Variants in KIAA1328 observed in about 807,000 individuals in gnomAD.
KIAA1328 encodes protein hinderin.
In KIAA1328, 52 loss-of-function variants were observed where a neutral mutation model predicts 68.1. That is an observed-to-expected ratio of 0.76 (90% CI 0.61 to 0.96). The LOEUF is 0.96. Among genes scored for constraint, KIAA1328 ranks in the 40% least tolerant of loss-of-function variants. The pLI, the probability that KIAA1328 is intolerant of heterozygous loss-of-function variation, is 0.00. For synonymous variants in KIAA1328, 232 were observed against 239.4 expected (o/e 0.97, Z 0.28); for missense variants, 641 against 677.6 (o/e 0.95, Z 0.60).
chr18:36,864,341 G>A (rs1206897060), intron 4 of KIAA1328, among the ~76,000 whole-genome samples: 2 of 147,030 alleles, frequency 1.4e-5, no homozygotes, highest in African/African-American at 5.0e-5. Context: ...TTGCTGTGTC[G>A]CACAGGCTGG....
chr18:37,104,154 A>G (rs1257661056), intron 7 of KIAA1328, among the ~76,000 whole-genome samples: 1 of 152,232 alleles, frequency 6.6e-6, no homozygotes, highest in African/African-American at 2.4e-5. Context: ...TGATCCAGCC[A>G]TCTCACTATT....
At chr18:37,156,091 A>G (rs2059145280) in intron 7 of KIAA1328, among the ~76,000 whole-genome samples, 1 of 151,502 alleles carries the variant, frequency 6.6e-6, no homozygotes, top group Non-Finnish European at 1.5e-5. Context: ...TGTCTCCCCC[A>G]CTAAAATCTC....
At chr18:37,108,679 AC>A (rs2057842537) in intron 7 of KIAA1328, among the ~76,000 whole-genome samples, 4 of 152,174 alleles carry the variant, frequency 2.6e-5, no homozygotes, top group Admixed American at 2.6e-4. Context: ...GCATGGTCTT[AC>A]ATAGCCTTTA....
At chr18:37,039,053 G>T (rs1287992113) in intron 6 of KIAA1328, among the ~76,000 whole-genome samples, 1 of 151,938 alleles carries the variant, frequency 6.6e-6, no homozygotes, top group Admixed American at 6.6e-5. Flanking sequence ...TTACATTTCT[G>T]GAATAAACCT....
intron 9 of KIAA1328, among the ~76,000 whole-genome samples, chr18:37,181,517 A>G (rs2059698302): frequency 6.6e-6 from 1 of 152,142 alleles, no homozygotes; most frequent in East Asian, 1.9e-4. Flanking sequence ...GTTAAAAGCC[A>G]TTAATATAAG....
rs1250328157 is a variant in KIAA1328, at chr18:37,084,049, G to A, written c.1232+16504G>A. On this transcript the variant is annotated intron_variant, in intron 7 of 9. Coordinates refer to ENST00000280020, the MANE Select transcript of KIAA1328 (RefSeq NM_020776.3). ...AATTTCTGGGGATCTAGCTGAAAGAGCATGGTTTTCCAAAATTTATCATTC... is the reference window on the plus strand; with the variant it reads ...AATTTCTGGGGATCTAGCTGAAAGAACATGGTTTTCCAAAATTTATCATTC... The A allele has an allele frequency of 1.1e-5, 8 of 708,022 alleles. No homozygotes were observed. In the East Asian group the frequency reaches 1.7e-4, roughly 15 times the overall value. 43.9% of individuals were successfully genotyped at this position (708,022 alleles called of 1,614,324 possible).
intron 5 of KIAA1328, among the ~76,000 whole-genome samples, chr18:36,953,823 C>G (rs1233266126): frequency 6.6e-6 from 1 of 151,924 alleles, no homozygotes; most frequent in Admixed American, 6.6e-5. Flanking sequence ...ATTTTTCTCC[C>G]TGAACAAGGA....
intron 6 of KIAA1328, among the ~76,000 whole-genome samples, chr18:37,064,863 G>A (rs2056290008): frequency 6.6e-6 from 1 of 152,124 alleles, no homozygotes; most frequent in African/African-American, 2.4e-5. Context: ...TGTCTTCAGA[G>A]CCAAAGGAAC....
chr18:36,895,287 A>T (rs1464839058), intron 5 of KIAA1328, among the ~76,000 whole-genome samples: 1 of 152,130 alleles, frequency 6.6e-6, no homozygotes, highest in African/African-American at 2.4e-5. Flanking sequence ...TAAGTCATTG[A>T]ATGCAGGAGC....
At chr18:36,975,062 A>C (rs1048072691) in intron 6 of KIAA1328, among the ~76,000 whole-genome samples, 1 of 152,208 alleles carries the variant, frequency 6.6e-6, no homozygotes, top group African/African-American at 2.4e-5. Context: ...TCTTGAGTGC[A>C]GAAGAGAGAG....
At chr18:36,976,893 C>T (rs2052493693) in intron 6 of KIAA1328, among the ~76,000 whole-genome samples, 1 of 152,130 alleles carries the variant, frequency 6.6e-6, no homozygotes, top group African/African-American at 2.4e-5. Context: ...TGATCTCAAT[C>T]TCCCAGGTCA....
intron 6 of KIAA1328, among the ~76,000 whole-genome samples, chr18:36,961,010 C>A (rs2051645027): frequency 6.6e-6 from 1 of 152,002 alleles, no homozygotes; most frequent in Non-Finnish European, 1.5e-5. Flanking sequence ...GATAATAACA[C>A]ACTTCTCTGA....
At chr18:37,044,193 T>G (rs573444453) in intron 6 of KIAA1328, among the ~76,000 whole-genome samples, 36 of 152,178 alleles carry the variant, frequency 2.4e-4, no homozygotes, top group Non-Finnish European at 4.1e-4. Flanking sequence ...TGTAATTGTT[T>G]TATTATAATT....
intron 6 of KIAA1328, among the ~76,000 whole-genome samples, chr18:36,979,184 A>T (rs1406954639): frequency 3.8e-5 from 5 of 131,136 alleles, no homozygotes; most frequent in Non-Finnish European, 8.5e-5. Context: ...AATAAAATTT[A>T]AAAATAAAAT....
rs773231137 is a variant in KIAA1328 at position 37,224,212 on chromosome 18, G to T, written c.*1985G>T. The T allele has an allele frequency of 1.2e-5, 12 of 985,424 alleles. No individual in the cohort carries two copies. Among genetic ancestry groups the T allele is most frequent in the Non-Finnish European group, 1.4e-5 (12 of 829,938 alleles). The allele number at this position is 985,424 out of a possible 1,614,324, so 61.0% of individuals were successfully genotyped here. A position where few individuals can be genotyped will look rare whatever the true frequency, so the allele number is the denominator to read the frequency against. On this transcript the variant is annotated 3_prime_UTR_variant, in exon 10 of 10. Coordinates refer to ENST00000280020, the MANE Select transcript of KIAA1328 (RefSeq NM_020776.3). Reference sequence around the variant, plus strand: ...CCACAGTCACCCATTCCAGACTCCAGTGTCCTTAAAACTCTGGAGTGAGAG... The same window carrying T: ...CCACAGTCACCCATTCCAGACTCCATTGTCCTTAAAACTCTGGAGTGAGAG...
intron 7 of KIAA1328, among the ~76,000 whole-genome samples, chr18:37,101,347 G>A (rs1441528653): frequency 6.6e-6 from 1 of 152,140 alleles, no homozygotes; most frequent in Non-Finnish European, 1.5e-5. Context: ...TGAAAACCAT[G>A]GCACGAGAAC....
intron 7 of KIAA1328, among the ~76,000 whole-genome samples, chr18:37,143,826 T>C (rs1458897759): frequency 6.6e-6 from 1 of 152,106 alleles, no homozygotes; most frequent in African/African-American, 2.4e-5. Flanking sequence ...ACCACTTACC[T>C]GAATTTATTT....
At chr18:37,187,921 T>A (rs1350708555) in intron 9 of KIAA1328, among the ~76,000 whole-genome samples, 1 of 152,222 alleles carries the variant, frequency 6.6e-6, no homozygotes, top group African/African-American at 2.4e-5. Context: ...AACATCTGCC[T>A]GGGACACATG....
chr18:37,169,861 G>C (rs1457169329), intron 8 of KIAA1328, among the ~76,000 whole-genome samples: 1 of 152,160 alleles, frequency 6.6e-6, no homozygotes, highest in African/African-American at 2.4e-5. Flanking sequence ...TGAGGTATCT[G>C]TACATTCCTG....
Sources: allele counts gnomAD v4.1 joint callset (sites outside exome capture counted in the v4.1 genomes callset), GRCh38; gene constraint gnomAD v4.1.1; transcripts MANE v1.5; gene names NCBI Gene and HGNC (gene_info 2026-07-23, HGNC 2026-07-21).